PRKG1: variants seen among roughly 807,000 people sequenced by gnomAD.
The protein encoded by PRKG1 is protein kinase cGMP-dependent 1.
A neutral mutation model predicts 88.1 loss-of-function variants in PRKG1; 35 were observed. The observed-to-expected ratio is 0.40, with a 90% CI of 0.30 to 0.53. PRKG1 has a LOEUF of 0.53. Among genes scored for constraint, PRKG1 ranks in the 20% least tolerant of loss-of-function variants. The probability of loss-of-function intolerance (pLI) is 0.59; values close to 1 mark genes in which losing one functional copy is unlikely to be tolerated. For missense variants in PRKG1, 540 were observed against 839.8 expected (o/e 0.64, Z 4.41); for synonymous variants, 303 against 292.5 (o/e 1.04, Z -0.37).
intron 1 of PRKG1, among the ~76,000 whole-genome samples, chr10:51,064,622 C>G (rs1322123517): frequency 1.3e-5 from 2 of 151,890 alleles, no homozygotes; most frequent in Non-Finnish European, 1.5e-5. Context: ...GACCTATATT[C>G]AAGTCTAATA....
At chr10:52,241,021 G>T (rs1043468405) in intron 9 of PRKG1, among the ~76,000 whole-genome samples, 7 of 151,934 alleles carry the variant, frequency 4.6e-5, no homozygotes. Context: ...AAGTTTTATC[G>T]AGTCTGTTTT....
rs539557098 is a variant in PRKG1, at chr10:51,399,208, A to G, written c.479-68515A>G. Among the ~76,000 whole-genome samples the G allele has an allele frequency of 1.4e-4, 22 of 152,134 alleles. No individual in the cohort carries two copies. In the South Asian group the frequency reaches 4.4e-3, roughly 30 times the overall value. ...AATATTATATGAAGGATAATTTTAT[A>G]TGTTATATATGTATAAGAGATTTGT... is the stretch of plus-strand genomic sequence containing the variant. On this transcript the variant is annotated intron_variant, in intron 2 of 17. Coordinates refer to ENST00000373980, the MANE Select transcript of PRKG1 (RefSeq NM_006258.4).
chr10:51,761,433 T>C (rs1380929139), intron 3 of PRKG1, among the ~76,000 whole-genome samples: 7 of 152,188 alleles, frequency 4.6e-5, no homozygotes, highest in Non-Finnish European at 8.8e-5. Context: ...ACTGTGTAAA[T>C]GGGATTCCAC....
intron 5 of PRKG1, among the ~76,000 whole-genome samples, chr10:51,938,060 G>T (rs553837738): frequency 4.6e-5 from 7 of 152,084 alleles, no homozygotes; most frequent in African/African-American, 1.7e-4. Context: ...ACCTGAAGCA[G>T]ATGATCTTTC....
intron 5 of PRKG1, among the ~76,000 whole-genome samples, chr10:51,970,048 A>C (rs567549157): frequency 1.5e-3 from 199 of 133,892 alleles, no homozygotes; most frequent in African/African-American, 5.7e-3. Context: ...ACACACACAC[A>C]CACCCATATT....
rs140247811 is a variant in PRKG1, at chr10:51,955,864, C to A, written c.762+48294C>A. 2.6e-3 allele frequency among the ~76,000 whole-genome samples: 397 copies of A among 152,184 alleles called. 4 individuals are homozygous for A. The highest frequency in any genetic ancestry group is 9.0e-3 in the African/African-American group (374 of 41,530). ...AAGCGAAAGTCTTAGAACATGCCTT[C>A]CTTTTGTGCAGGAAGAGCTAATTTA... On this transcript the variant is annotated intron_variant, in intron 5 of 17. Coordinates refer to ENST00000373980, the MANE Select transcript of PRKG1 (RefSeq NM_006258.4).
At chr10:52,194,000 CTT>C (rs1276488447) in intron 9 of PRKG1, among the ~76,000 whole-genome samples, 2 of 152,030 alleles carry the variant, frequency 1.3e-5, no homozygotes, top group African/African-American at 2.4e-5. Flanking sequence ...TATTTTGTCT[CTT>C]ATATTTGGTA....
At chr10:51,942,888 A>G (rs1842941496) in intron 5 of PRKG1, among the ~76,000 whole-genome samples, 1 of 150,890 alleles carries the variant, frequency 6.6e-6, no homozygotes, top group Non-Finnish European at 1.5e-5. Context: ...AGGTAGCATG[A>G]TGCCTCCAGC....
At chr10:51,861,860 G>A (rs1000824323) in intron 4 of PRKG1, among the ~76,000 whole-genome samples, 4 of 152,180 alleles carry the variant, frequency 2.6e-5, no homozygotes, top group Admixed American at 2.0e-4. Context: ...CTCTGCCTGG[G>A]TTTTGCTCAA....
intron 2 of PRKG1, among the ~76,000 whole-genome samples, chr10:51,365,603 T>G (rs1475394916): frequency 6.6e-6 from 1 of 151,932 alleles, no homozygotes; most frequent in East Asian, 1.9e-4. Context: ...CAACATGTGG[T>G]GAAAGGATGC....
chr10:51,259,630 C>T (rs1394851019), intron 2 of PRKG1, among the ~76,000 whole-genome samples: 5 of 152,104 alleles, frequency 3.3e-5, no homozygotes, highest in Admixed American at 6.6e-5. Flanking sequence ...TGTGTCACCA[C>T]GCCCGTCTAA....
intron 1 of PRKG1, among the ~76,000 whole-genome samples, chr10:51,121,754 A>T (rs1038977160): frequency 1.3e-5 from 2 of 152,138 alleles, no homozygotes; most frequent in Non-Finnish European, 2.9e-5. Context: ...TGAAAATGTC[A>T]TAATCACCCA....
intron 9 of PRKG1, among the ~76,000 whole-genome samples, chr10:52,239,920 C>A (rs943709096): frequency 1.3e-5 from 2 of 152,114 alleles, no homozygotes; most frequent in Admixed American, 6.6e-5. Flanking sequence ...GGAAAGGCAC[C>A]AGTTTCTAAT....
Position 51,880,765 on chromosome 10 carries a change from CTAATG to C in PRKG1, c.699-26739_699-26735del, listed in dbSNP as rs534599611. On this transcript the variant is annotated intron_variant, in intron 4 of 17. Coordinates refer to ENST00000373980, the MANE Select transcript of PRKG1 (RefSeq NM_006258.4). Reference sequence around the variant, plus strand: ...ATGGTAAATTCCAAGGACAAGAACACTAATGTATGAGGCAAGAGACACAGTTTTGC... The same window carrying C: ...ATGGTAAATTCCAAGGACAAGAACACTATGAGGCAAGAGACACAGTTTTGC... 2.8e-3 allele frequency among the ~76,000 whole-genome samples: 426 copies of C among 152,250 alleles called. 1 individual carries two copies. The highest frequency in any genetic ancestry group is 8.9e-3 in the African/African-American group (370 of 41,562).
At chr10:51,709,297 C>T (rs1841684819) in intron 3 of PRKG1, among the ~76,000 whole-genome samples, 1 of 152,198 alleles carries the variant, frequency 6.6e-6, no homozygotes, top group Admixed American at 6.5e-5. Context: ...TCAAACTCTT[C>T]CATCCTTCAT....
intron 7 of PRKG1, among the ~76,000 whole-genome samples, chr10:52,075,535 T>C (rs1198153520): frequency 6.6e-6 from 1 of 152,214 alleles, no homozygotes; most frequent in Non-Finnish European, 1.5e-5. Flanking sequence ...AGTGTGGTAT[T>C]GATATCAAGT....
intron 3 of PRKG1, among the ~76,000 whole-genome samples, chr10:51,541,896 G>A (rs1441419213): frequency 1.3e-5 from 2 of 151,918 alleles, no homozygotes; most frequent in Non-Finnish European, 2.9e-5. Flanking sequence ...ATGTAAGATA[G>A]AACTTATTAA....
At chr10:51,130,590 T>G (rs921959564) in intron 1 of PRKG1, among the ~76,000 whole-genome samples, 1 of 152,168 alleles carries the variant, frequency 6.6e-6, no homozygotes, top group African/African-American at 2.4e-5. Flanking sequence ...TTTTATTTTT[T>G]GTCATGCATC....
chr10:52,025,660 G>C (rs537519698), intron 5 of PRKG1, among the ~76,000 whole-genome samples: 61 of 151,656 alleles, frequency 4.0e-4, no homozygotes, highest in African/African-American at 1.4e-3. Context: ...TATTTCTGAG[G>C]TCTCTGTTCT....
Sources: allele counts gnomAD v4.1 joint callset (sites outside exome capture counted in the v4.1 genomes callset), GRCh38; gene constraint gnomAD v4.1.1; transcripts MANE v1.5; gene names NCBI Gene and HGNC (gene_info 2026-07-23, HGNC 2026-07-21).